The following TAF1 variants were observed in gnomAD, a reference collection of about 807,000 sequenced individuals.
TAF1 encodes the protein transcription initiation factor TFIID subunit 1.
TAF1 carries 2 observed loss-of-function variants against 138.5 expected under a neutral mutation model. That is an observed-to-expected ratio of 0.01 (90% CI 0.01 to 0.05). The LOEUF is 0.05. Ranked by LOEUF, TAF1 falls within the 10% of genes least tolerant of loss-of-function variation. TAF1 has a pLI of 1.00. For missense variants in TAF1, 709 were observed against 1,478.0 expected (o/e 0.48, Z 8.53); for synonymous variants, 437 against 503.2 (o/e 0.87, Z 1.76).
intron 23 of TAF1, 130 bp from the exon 24 acceptor site, chrX:71,398,442 T>C (rs951149896): frequency 1.1e-6 from 1 of 869,641 alleles, no homozygotes; most frequent in Non-Finnish European, 1.6e-6. Flanking sequence ...GGGAATGGCA[T>C]GTAGCCCCTT....
intron 3 of TAF1, among the ~76,000 whole-genome samples, chrX:71,370,548 C>T (rs2032973772): frequency 9.0e-6 from 1 of 111,716 alleles, no homozygotes; most frequent in African/African-American, 3.3e-5. Context: ...TGAGGTTTCG[C>T]CATCTTGGCC....
At chrX:71,382,382 G>A (rs775277427) in intron 9 of TAF1, among the ~76,000 whole-genome samples, 154 bp from the exon 10 acceptor site, 3 of 104,698 alleles carry the variant, frequency 2.9e-5, no homozygotes, top group Non-Finnish European at 5.9e-5. Flanking sequence ...GTAAATCGTG[G>A]ACTAGAAGTT....
intron 13 of TAF1, among the ~76,000 whole-genome samples, chrX:71,475,580 G>A (rs1464724838): frequency 9.6e-5 from 8 of 83,460 alleles, no homozygotes; most frequent in Admixed American, 5.7e-4. Flanking sequence ...GCGAGACTCC[G>A]TTTCAAAAAA....
intron 28 of TAF1, among the ~76,000 whole-genome samples, chrX:71,419,694 T>C (rs1040256375): frequency 9.1e-6 from 1 of 110,488 alleles, no homozygotes; most frequent in African/African-American, 3.3e-5. Context: ...AGCAGAACAG[T>C]TTGGTGTCCT....
intron 32 of TAF1, among the ~76,000 whole-genome samples, chrX:71,445,615 T>G (rs746231222): frequency 9.0e-6 from 1 of 111,724 alleles, no homozygotes; most frequent in Non-Finnish European, 1.9e-5. Flanking sequence ...CTCTCACTCT[T>G]TTTCAAAACT....
At chrX:71,495,713 G>A (rs2039383828) in intron 13 of TAF1, among the ~76,000 whole-genome samples, 1 of 111,475 alleles carries the variant, frequency 9.0e-6, no homozygotes, top group African/African-American at 3.3e-5. Context: ...GTGTGTGGTA[G>A]TAGGATAATG....
chrX:71,438,727 C>T (rs1057459356), intron 32 of TAF1, among the ~76,000 whole-genome samples: 8 of 112,024 alleles, frequency 7.1e-5, no homozygotes, highest in African/African-American at 2.6e-4. Flanking sequence ...CCGGGGGAGG[C>T]CGAGATGGGT....
chrX:71,428,874 G>T (rs1022579619), intron 32 of TAF1, among the ~76,000 whole-genome samples: 1 of 111,991 alleles, frequency 8.9e-6, no homozygotes, highest in Non-Finnish European at 1.9e-5. Flanking sequence ...TACAAAAAAG[G>T]CTGGAAGGAA....
At chrX:71,406,540 G>C in intron 25 of TAF1, 98 bp from the exon 26 acceptor site, 1 of 844,947 alleles carries the variant, frequency 1.2e-6, no homozygotes, top group Non-Finnish European at 1.6e-6. Context: ...CTAGGCTCGT[G>C]CTTAGGTACC....
At chrX:71,515,097 TG>T (rs1224407862) in intron 13 of TAF1, among the ~76,000 whole-genome samples, 2 of 111,600 alleles carry the variant, frequency 1.8e-5, no homozygotes, top group East Asian at 5.6e-4. Flanking sequence ...TAAGGTCAAG[TG>T]TGGAAAATTA....
rs751536451 is a variant in TAF1 at position 71,498,877 on chromosome X, G to A, written c.1367-29665G>A. The stretch of plus-strand genomic sequence containing the variant: ...GTTACAGGCTGTCCCAGGATACCTC[G>A]GATGGTAATGGACCTTGAGGACAGC... On this transcript the variant is annotated intron_variant and NMD_transcript_variant, in intron 13 of 14. Coordinates refer to the TAF1 transcript ENST00000373775. Among the ~76,000 whole-genome samples, 460 of 111,758 alleles carry A rather than the reference G, an allele frequency of 4.1e-3. 2 individuals carry two copies. The highest frequency in any genetic ancestry group is 0.014 in the African/African-American group (445 of 30,770).
chrX:71,515,720 G>A (rs1023389343), intron 13 of TAF1, among the ~76,000 whole-genome samples: 3 of 111,517 alleles, frequency 2.7e-5, no homozygotes, highest in African/African-American at 9.8e-5. Context: ...GTTTGTAGTA[G>A]GCAAAATTCT....
Position 71,523,136 on chromosome X carries a change from C to T in TAF1, c.1367-5406C>T, listed in dbSNP as rs564233172. On this transcript the variant is annotated intron_variant and NMD_transcript_variant, in intron 13 of 14. Coordinates refer to the TAF1 transcript ENST00000373775. ...GGCAGAGGTTCCAGTGAGCCGAGAT[C>T]GTACCACTGCGCTCCAGCCTGGAGA... 1.6e-4 allele frequency among the ~76,000 whole-genome samples: 15 copies of T among 94,111 alleles called. No individual in the cohort carries two copies. In the South Asian group the frequency reaches 7.7e-3, roughly 49 times the overall value. 81.7% of individuals were successfully genotyped at this position (94,111 alleles called of 115,157 possible). A position where few individuals can be genotyped will look rare whatever the true frequency, so the allele number is the denominator to read the frequency against.
chrX:71,486,931 G>A (rs1480041215), intron 13 of TAF1, among the ~76,000 whole-genome samples: 2 of 106,848 alleles, frequency 1.9e-5, no homozygotes, highest in African/African-American at 6.8e-5. Flanking sequence ...TGTATTATTA[G>A]TCTACTTTCT....
rs1328389113 is a variant in TAF1, at chrX:71,383,988, A to G, written c.1974A>G (p.Ser658=). 8.3e-7 allele frequency: 1 copy of G among 1,211,138 alleles called. No individual in the cohort carries two copies. The highest frequency in any genetic ancestry group is 1.1e-6 in the Non-Finnish European group (1 of 895,360). Residue 658 remains serine (S), a synonymous_variant, in exon 13 of 38, where the codon TCA becomes TCG. Transcript: ENST00000423759. ...TGAGAGAACAAGAGAGGCAAGCTTC[A>G]GGTGGTGGAGAGATGTTTTTTATGC... ...AKMREQERQA[S]GGGEMFFMRT... is the part of the protein sequence containing the mutation.
intron 32 of TAF1, among the ~76,000 whole-genome samples, chrX:71,444,067 G>A (rs1191063561): frequency 9.0e-6 from 1 of 110,856 alleles, no homozygotes; most frequent in African/African-American, 3.3e-5. Context: ...GAGTACAGTG[G>A]CGCAATCTCG....
At chrX:71,387,525 A>G in intron 15 of TAF1, 64 bp downstream of exon 15, 1 of 1,142,234 alleles carries the variant, frequency 8.8e-7, no homozygotes, top group Non-Finnish European at 1.2e-6. Flanking sequence ...GGGGCCGGGC[A>G]TGGCGGCTCA....
At chrX:71,411,557 A>C (rs981397555) in intron 28 of TAF1, among the ~76,000 whole-genome samples, 3 of 112,201 alleles carry the variant, frequency 2.7e-5, no homozygotes, top group African/African-American at 9.7e-5. Flanking sequence ...CTTAACCACC[A>C]TGCTCCATAT....
At chrX:71,519,270 C>A (rs1260749965) in intron 13 of TAF1, among the ~76,000 whole-genome samples, 2 of 101,189 alleles carry the variant, frequency 2.0e-5, no homozygotes, top group Admixed American at 1.1e-4. Flanking sequence ...TACAGTGAGC[C>A]GGTGATCAAG....
Sources: gnomAD v4.1 joint callset for allele counts (sites outside exome capture counted in the v4.1 genomes callset) on GRCh38, gnomAD v4.1.1 for gene constraint, MANE v1.5 for transcripts, NCBI Gene and HGNC (gene_info 2026-07-23, HGNC 2026-07-21) for gene names.